Variants in ERICH6 observed in about 807,000 individuals in gnomAD.
ERICH6 encodes glutamate rich 6.
In ERICH6, 71 loss-of-function variants were observed where a neutral mutation model predicts 71.0. That is an observed-to-expected ratio of 1.00 (90% CI 0.83 to 1.22). The LOEUF (loss-of-function observed/expected upper bound fraction) is 1.22, where lower values mean the gene tolerates loss of function less well. Ranked by LOEUF, ERICH6 falls within the 50% of genes most tolerant of loss-of-function variation. The pLI, the probability that ERICH6 is intolerant of heterozygous loss-of-function variation, is 0.00. For synonymous variants in ERICH6, 262 were observed against 278.4 expected (o/e 0.94, Z 0.59); for missense variants, 808 against 797.2 (o/e 1.01, Z -0.16).
chr3:150,694,804 G>A (rs779665503), intron 3 of ERICH6, among the ~76,000 whole-genome samples: 3 of 152,156 alleles, frequency 2.0e-5, no homozygotes, highest in Non-Finnish European at 2.9e-5. Context: ...TCTGTCTTAG[G>A]TTGTTTGGGT....
chr3:150,677,615 C>T (rs1711712108), intron 10 of ERICH6, among the ~76,000 whole-genome samples: 1 of 151,860 alleles, frequency 6.6e-6, no homozygotes, highest in South Asian at 2.1e-4. Context: ...CCTGCCTCAG[C>T]CCCCCCAAGT....
chr3:150,669,914 C>CTGGG (rs1376951538), intron 11 of ERICH6, among the ~76,000 whole-genome samples: 1 of 152,132 alleles, frequency 6.6e-6, no homozygotes, highest in African/African-American at 2.4e-5. Flanking sequence ...CACAGCTGGG[C>CTGGG]TGGGCATGGT....
intron 3 of ERICH6, among the ~76,000 whole-genome samples, chr3:150,694,259 T>G (rs867174193): frequency 2.9e-4 from 44 of 152,076 alleles, no homozygotes; most frequent in African/African-American, 9.9e-4. Flanking sequence ...ATTTTATTTA[T>G]TATTATTATT....
intron 13 of ERICH6, among the ~76,000 whole-genome samples, chr3:150,662,818 G>T (rs989347002): frequency 1.3e-5 from 2 of 152,184 alleles, no homozygotes; most frequent in Admixed American, 6.5e-5. Flanking sequence ...AGAAAAGGAC[G>T]CTGCGCAGAA....
rs1254548440 is a variant in ERICH6 at position 150,678,562 on chromosome 3, G to A, written c.1112-8C>T. On this transcript the variant is annotated splice_region_variant and splice_polypyrimidine_tract_variant and intron_variant, in intron 9 of 13. Transcript: ENST00000295910. ...TTTTTAAGCGCTTTGAATCTAGTGG[G>A]AAAAGAATCACATAGAAATACATAT... is the stretch of plus-strand genomic sequence containing the variant. 1.9e-6 allele frequency: 3 copies of A among 1,582,132 alleles called. No homozygotes were observed. The highest frequency in any genetic ancestry group is 8.5e-7 in the Non-Finnish European group (1 of 1,170,770).
intron 13 of ERICH6, among the ~76,000 whole-genome samples, 180 bp from the exon 14 acceptor site, chr3:150,660,335 C>T (rs1188057341): frequency 6.6e-6 from 1 of 152,142 alleles, no homozygotes; most frequent in African/African-American, 2.4e-5. Flanking sequence ...AGCTGAAACA[C>T]TGTGGAGACT....
intron 10 of ERICH6, 90 bp from the exon 11 acceptor site, chr3:150,674,131 AG>A (rs1711563512): frequency 7.1e-6 from 7 of 988,884 alleles, no homozygotes; most frequent in Non-Finnish European, 1.1e-5. Context: ...GTTACTAGAC[AG>A]TCATACAAAT....
intron 13 of ERICH6, 131 bp from the exon 14 acceptor site, chr3:150,660,286 G>T: frequency 1.0e-6 from 1 of 1,001,948 alleles, no homozygotes; most frequent in Non-Finnish European, 1.5e-6. Context: ...TCATCCGTAA[G>T]CAGGGGCGGT....
At chr3:150,700,514 G>T (rs2108081282) in intron 2 of ERICH6, among the ~76,000 whole-genome samples, 1 of 151,990 alleles carries the variant, frequency 6.6e-6, no homozygotes, top group East Asian at 1.9e-4. Context: ...ATAAAGTGTG[G>T]CTGGTGAGCC....
chr3:150,668,045 GGT>G (rs1727484874), intron 12 of ERICH6, among the ~76,000 whole-genome samples: 1 of 152,108 alleles, frequency 6.6e-6, no homozygotes, highest in African/African-American at 2.4e-5. Context: ...ATTGATCAGT[GGT>G]AGTAATCTAA....
At position 150,675,058 on chromosome 3, in the gene ERICH6, G is replaced by A. The variant is rs536776604; in HGVS notation, c.1258-1017C>T. ...TGAGGCAAGTGAATTGCTTGAACCT[G>A]GGAAGCAGAGGTTGCAGTGAGCCGA... On this transcript the variant is annotated intron_variant, in intron 10 of 13. Coordinates refer to ENST00000295910, the MANE Select transcript of ERICH6 (RefSeq NM_152394.5). Among the ~76,000 whole-genome samples the A allele has an allele frequency of 1.1e-4, 17 of 152,222 alleles. No individual in the cohort carries two copies. In the East Asian group the frequency reaches 3.3e-3, roughly 30 times the overall value.
intron 11 of ERICH6, among the ~76,000 whole-genome samples, chr3:150,673,731 G>C (rs1045791484): frequency 1.3e-5 from 2 of 152,060 alleles, no homozygotes; most frequent in Non-Finnish European, 2.9e-5. Context: ...TGAGACTACA[G>C]GCATGTGCCA....
chr3:150,687,043 C>A (rs991861112), intron 3 of ERICH6, among the ~76,000 whole-genome samples: 6 of 152,180 alleles, frequency 3.9e-5, no homozygotes, highest in Admixed American at 3.9e-4. Context: ...TGCTGACAGG[C>A]ACCTGTAGAA....
intron 13 of ERICH6, among the ~76,000 whole-genome samples, chr3:150,664,356 T>C (rs937706665): frequency 3.3e-5 from 5 of 152,118 alleles, no homozygotes; most frequent in South Asian, 2.1e-4. Flanking sequence ...TTAAAAAAGA[T>C]GTATAAAATA....
At chr3:150,674,374 G>A (rs764337690) in intron 10 of ERICH6, among the ~76,000 whole-genome samples, 6 of 151,708 alleles carry the variant, frequency 4.0e-5, no homozygotes, top group Non-Finnish European at 8.8e-5. Flanking sequence ...CAGTGCCATT[G>A]CTATCATAAA....
intron 3 of ERICH6, among the ~76,000 whole-genome samples, chr3:150,695,529 A>G (rs937066586): frequency 6.6e-5 from 10 of 151,524 alleles, no homozygotes; most frequent in Non-Finnish European, 1.2e-4. Context: ...TTAGCTGGGC[A>G]TGGTGGCTCA....
intron 13 of ERICH6, among the ~76,000 whole-genome samples, chr3:150,663,164 A>G (rs777049409): frequency 6.6e-6 from 1 of 152,176 alleles, no homozygotes; most frequent in Non-Finnish European, 1.5e-5. Flanking sequence ...TGGGAAGGCC[A>G]GAAGCAGGGA....
chr3:150,680,141 A>G (rs1430305984), intron 9 of ERICH6, among the ~76,000 whole-genome samples: 1 of 152,240 alleles, frequency 6.6e-6, no homozygotes, highest in Non-Finnish European at 1.5e-5. Flanking sequence ...AAACTCCAAA[A>G]ACCAGATGGC....
chr3:150,678,029 CTT>C (rs1466651408), intron 10 of ERICH6, among the ~76,000 whole-genome samples: 1 of 152,178 alleles, frequency 6.6e-6, no homozygotes, highest in Non-Finnish European at 1.5e-5. Context: ...AAATTACACT[CTT>C]AATTTAATTT....
Sources: allele counts gnomAD v4.1 joint callset (sites outside exome capture counted in the v4.1 genomes callset), GRCh38; gene constraint gnomAD v4.1.1; transcripts MANE v1.5; gene names NCBI Gene and HGNC (gene_info 2026-07-23, HGNC 2026-07-21).